Variants in SMURF2 observed in about 807,000 individuals in gnomAD.
SMURF2 encodes the protein E3 ubiquitin-protein ligase SMURF2.
Under a neutral mutation model 109.6 loss-of-function variants are expected in SMURF2, and 48 were observed. The ratio of observed to expected loss-of-function variants is 0.44; its 90% CI spans 0.35 to 0.56. SMURF2 has a LOEUF of 0.56. Ranked by LOEUF, SMURF2 falls within the 20% of genes least tolerant of loss-of-function variation. The pLI, the probability that SMURF2 is intolerant of heterozygous loss-of-function variation, is 0.01. For synonymous variants in SMURF2, 288 were observed against 317.1 expected, an observed-to-expected ratio of 0.91 and a Z score of 0.97; for missense variants, 575 against 909.0, an observed-to-expected ratio of 0.63 and a Z score of 4.72.
At chr17:64,557,869 G>A in intron 12 of SMURF2, 147 bp from the exon 13 acceptor site, 6 of 515,164 alleles carry the variant, frequency 1.2e-5, no homozygotes, top group Non-Finnish European at 1.4e-5. Context: ...AGATCACATT[G>A]GAAAAATCTA....
rs547794848 is a variant in SMURF2, at chr17:64,627,607, C to A, written c.53-20967G>T. 1.2e-4 allele frequency among the ~76,000 whole-genome samples: 19 copies of A among 152,296 alleles called. No homozygotes were observed. The South Asian group carries it at 3.7e-3, about 30-fold the overall frequency. The stretch of plus-strand genomic sequence containing the variant: ...TATCCACATCCTCATATCCAAATGA[C>A]TACTAAACTCTGACAAACCCTAATC... On this transcript the variant is annotated intron_variant, in intron 1 of 18. Transcript: ENST00000262435.
At chr17:64,573,264 AGGAGGAGGAG>A in intron 9 of SMURF2, among the ~76,000 whole-genome samples, 1 of 47,512 alleles carries the variant, frequency 2.1e-5, no homozygotes, top group African/African-American at 1.0e-4. Context: ...GAGGAGGAGG[AGGAGGAGGAG>A]GGGGAGGAGG....
At chr17:64,620,585 T>C (rs1555690540) in intron 1 of SMURF2, among the ~76,000 whole-genome samples, 1 of 152,204 alleles carries the variant, frequency 6.6e-6, no homozygotes, top group East Asian at 1.9e-4. Context: ...CCTCAAAATC[T>C]TATCCATTCA....
At chr17:64,650,164 T>C (rs78259192) in intron 1 of SMURF2, among the ~76,000 whole-genome samples, 1 of 151,728 alleles carries the variant, frequency 6.6e-6, no homozygotes, top group Non-Finnish European at 1.5e-5. Flanking sequence ...ATCTTTCATG[T>C]ACATTATTCC....
At position 64,661,914 on chromosome 17, in the gene SMURF2, C is replaced by A. The variant is rs1970785765; in HGVS notation, c.-34G>T. On this transcript the variant is annotated 5_prime_UTR_variant, in exon 1 of 19. Coordinates refer to ENST00000262435, the MANE Select transcript of SMURF2 (RefSeq NM_022739.4). ...CGGCGGGGGCGGCGGGGGCGGCGGG[C>A]GGCACGGGGGCGACGGCGAGGCGCG... 1.7e-6 allele frequency: 2 copies of A among 1,171,064 alleles called. No homozygotes were observed. The highest frequency in any genetic ancestry group is 2.1e-6 in the Non-Finnish European group (2 of 949,854). The allele number at this position is 1,171,064 out of a possible 1,614,324, so 72.5% of individuals were successfully genotyped here.
At chr17:64,599,292 A>G (rs73993988) in intron 2 of SMURF2, among the ~76,000 whole-genome samples, 5,658 of 152,290 alleles carry the variant, frequency 0.037, 248 homozygotes, top group African/African-American at 0.1. Context: ...TCTAAAGTGT[A>G]GATTCTAAAC....
intron 1 of SMURF2, among the ~76,000 whole-genome samples, chr17:64,630,910 G>T (rs1379078411): frequency 6.6e-6 from 1 of 152,048 alleles, no homozygotes; most frequent in African/African-American, 2.4e-5. Context: ...GCAGTGGTAA[G>T]GTCAAGTCAG....
At chr17:64,629,241 C>G (rs571235951) in intron 1 of SMURF2, among the ~76,000 whole-genome samples, 1 of 152,248 alleles carries the variant, frequency 6.6e-6, no homozygotes, top group African/African-American at 2.4e-5. Flanking sequence ...GTGTGTACAC[C>G]TATAATCCCA....
intron 3 of SMURF2, among the ~76,000 whole-genome samples, chr17:64,596,171 GAATTA>G (rs1555688079): frequency 6.6e-6 from 1 of 151,774 alleles, no homozygotes; most frequent in Non-Finnish European, 1.5e-5. Context: ...TTGATATACT[GAATTA>G]AATAAAATAT....
At chr17:64,636,026 A>T (rs1598307804) in intron 1 of SMURF2, among the ~76,000 whole-genome samples, 1 of 152,170 alleles carries the variant, frequency 6.6e-6, no homozygotes, top group Admixed American at 6.5e-5. Flanking sequence ...GTCGTGAAGT[A>T]GTATCCCATT....
chr17:64,563,789 TA>T (rs1555684742), intron 10 of SMURF2, among the ~76,000 whole-genome samples: 2 of 152,150 alleles, frequency 1.3e-5, no homozygotes, highest in Non-Finnish European at 2.9e-5. Flanking sequence ...AAATTTTTTT[TA>T]AAGAGGCAGG....
intron 2 of SMURF2, among the ~76,000 whole-genome samples, chr17:64,600,710 T>C (rs1295003211): frequency 6.6e-6 from 1 of 152,192 alleles, no homozygotes; most frequent in Non-Finnish European, 1.5e-5. Flanking sequence ...TAACCATTTA[T>C]AAATGTGTTC....
rs1435248974 is a variant in SMURF2, at chr17:64,544,018, T to C, written c.*1830A>G. On this transcript the variant is annotated 3_prime_UTR_variant, in exon 19 of 19. Transcript: ENST00000262435. ...GACTAGCTTGCTTGTGGCAGTTGAATTTGGCCAAATGAAATACATTAAAAT... is the reference window on the plus strand; with the variant it reads ...GACTAGCTTGCTTGTGGCAGTTGAACTTGGCCAAATGAAATACATTAAAAT... 2 of 152,328 alleles carry C rather than the reference T, an allele frequency of 1.3e-5. No individual in the cohort carries two copies. Among genetic ancestry groups the C allele is most frequent in the South Asian group, 4.1e-4 (2 of 4,830 alleles). The allele number at this position is 152,328 out of a possible 1,614,324, so 9.4% of individuals were successfully genotyped here.
chr17:64,603,881 T>C (rs1217845021), intron 2 of SMURF2, among the ~76,000 whole-genome samples: 3 of 152,200 alleles, frequency 2.0e-5, no homozygotes, highest in Non-Finnish European at 2.9e-5. Context: ...CAGTGTATTT[T>C]TTCCTGCGAT....
intron 10 of SMURF2, among the ~76,000 whole-genome samples, chr17:64,569,070 G>A (rs1234976980): frequency 6.6e-6 from 1 of 151,704 alleles, no homozygotes; most frequent in African/African-American, 2.4e-5. Context: ...GGCCGAGGCG[G>A]GCAGATCACC....
rs896985356 is a variant in SMURF2 at position 64,543,629 on chromosome 17, C to G, written c.*2219G>C. On this transcript the variant is annotated 3_prime_UTR_variant, in exon 19 of 19. Coordinates refer to ENST00000262435, the MANE Select transcript of SMURF2 (RefSeq NM_022739.4). The stretch of plus-strand genomic sequence containing the variant: ...ATTAGTATAAAGTTAAAAAGGCACT[C>G]AAAAAGCAATGGTATTTGCCTGCTT... 5.9e-5 allele frequency: 9 copies of G among 152,088 alleles called. No homozygotes were observed. Among genetic ancestry groups the G allele is most frequent in the Non-Finnish European group, 1.5e-5 (1 of 68,014 alleles). 9.4% of individuals were successfully genotyped at this position (152,088 alleles called of 1,614,324 possible).
At chr17:64,659,175 G>C in intron 1 of SMURF2, among the ~76,000 whole-genome samples, 1 of 152,116 alleles carries the variant, frequency 6.6e-6, no homozygotes, top group East Asian at 1.9e-4. Flanking sequence ...GTGTGTGTGA[G>C]TGTGTGCATC....
intron 1 of SMURF2, among the ~76,000 whole-genome samples, chr17:64,659,660 C>A (rs1307317283): frequency 6.6e-6 from 1 of 151,990 alleles, no homozygotes; most frequent in Non-Finnish European, 1.5e-5. Flanking sequence ...TTTATCCAGT[C>A]AGTCAAAACA....
intron 15 of SMURF2, among the ~76,000 whole-genome samples, chr17:64,553,642 A>G (rs1164803840): frequency 6.6e-6 from 1 of 152,176 alleles, no homozygotes; most frequent in Non-Finnish European, 1.5e-5. Context: ...TGCTGAATGT[A>G]TAATATAATC....
Sources: allele counts gnomAD v4.1 joint callset (sites outside exome capture counted in the v4.1 genomes callset), GRCh38; gene constraint gnomAD v4.1.1; transcripts MANE v1.5; gene names NCBI Gene and HGNC (gene_info 2026-07-23, HGNC 2026-07-21).